The following MCOLN3 variants were observed in gnomAD, a reference collection of about 807,000 sequenced individuals.
MCOLN3 encodes the protein mucolipin-3.
A neutral mutation model predicts 69.4 loss-of-function variants in MCOLN3; 62 were observed. That is an observed-to-expected ratio of 0.89 (90% CI 0.73 to 1.10). The LOEUF is 1.10. Among genes scored for constraint, MCOLN3 ranks in the 50% least tolerant of loss-of-function variants. The probability of loss-of-function intolerance (pLI) is 0.00; values close to 1 mark genes in which losing one functional copy is unlikely to be tolerated. For missense variants in MCOLN3, 564 were observed against 656.4 expected, an observed-to-expected ratio of 0.86 and a Z score of 1.54; for synonymous variants, 183 against 217.0, an observed-to-expected ratio of 0.84 and a Z score of 1.38.
In MCOLN3 at chr1:85,034,229, G is replaced by A; in HGVS notation, c.419C>T (p.Ser140Phe). ...GTTCTCATAAGCATGATTCCCAACG[G>A]AGACATTGTATAGCTGCAAGTACTT... ...VNQYLQLYNV[S>F]VGNHAYENKG... Residue 140 changes from serine to phenylalanine, a missense_variant, in exon 4 of 13, where the codon TCC becomes TTC. Physicochemically the swap from Ser to Phe is radical, Grantham distance 155. Transcript: ENST00000370589. 1 of 1,614,132 alleles carries A rather than the reference G, an allele frequency of 6.2e-7. No individual in the cohort carries two copies. Among genetic ancestry groups the A allele is most frequent in the Non-Finnish European group, 8.5e-7 (1 of 1,180,008 alleles).
intron 9 of MCOLN3, chr1:85,023,446 A>C (rs1652053760): frequency 6.6e-6 from 1 of 152,228 alleles, no homozygotes; most frequent in South Asian, 2.1e-4. Context: ...GAAAGAGAGG[A>C]GTCTGTGATG....
In MCOLN3 at chr1:85,021,151, G is replaced by C. The variant is rs1269638795; in HGVS notation, c.1446C>G (p.Leu482=). 1 of 1,613,082 alleles carries C rather than the reference G, an allele frequency of 6.2e-7. No individual in the cohort carries two copies. The highest frequency in any genetic ancestry group is 1.3e-5 in the African/African-American group (1 of 75,000). The change falls in exon 12 of 13, where the codon CTC becomes CTG. Residue 482 remains leucine, a synonymous_variant. Transcript: ENST00000370589. ...YLVWLFSRIY[L]YSFISLFIYM... ...ATATAAAGAGGCTGATGAATGAGTA[G>C]AGGTAAATTCTACTAAACAGCCAGA...
At chr1:85,027,711 G>A (rs1652293489) in intron 7 of MCOLN3, among the ~76,000 whole-genome samples, 1 of 152,178 alleles carries the variant, frequency 6.6e-6, no homozygotes, top group African/African-American at 2.4e-5. Flanking sequence ...GCATAGTAAA[G>A]GAAGGCCTCA....
intron 11 of MCOLN3, 25 bp from the exon 12 acceptor site, chr1:85,021,301 C>A: frequency 6.3e-7 from 1 of 1,575,460 alleles, no homozygotes; most frequent in South Asian, 1.1e-5. Flanking sequence ...GAGAAAAGTT[C>A]ACTTTATTCC....
chr1:85,037,174 A>C (rs1354010179), intron 3 of MCOLN3, among the ~76,000 whole-genome samples: 4 of 152,252 alleles, frequency 2.6e-5, no homozygotes, highest in African/African-American at 9.6e-5. Context: ...AATCTATGGT[A>C]ACAGAAGCAA....
chr1:85,038,748 T>A (rs555412815), intron 3 of MCOLN3, among the ~76,000 whole-genome samples: 1 of 152,154 alleles, frequency 6.6e-6, no homozygotes, highest in Admixed American at 6.5e-5. Context: ...TCCAGCACTT[T>A]GGGAGGCCAA....
chr1:85,041,534 A>T (rs2102942089), intron 2 of MCOLN3, among the ~76,000 whole-genome samples: 1 of 152,344 alleles, frequency 6.6e-6, no homozygotes, highest in South Asian at 2.1e-4. Flanking sequence ...GTTTCACTGC[A>T]CTGTTGTCAT....
chr1:85,020,767 A>C (rs1375216503), intron 12 of MCOLN3, among the ~76,000 whole-genome samples: 1 of 152,196 alleles, frequency 6.6e-6, no homozygotes, highest in African/African-American at 2.4e-5. Context: ...AATATCTACT[A>C]ACCCTTATAA....
intron 7 of MCOLN3, among the ~76,000 whole-genome samples, chr1:85,028,143 C>T (rs1037787806): frequency 6.6e-6 from 1 of 152,132 alleles, no homozygotes; most frequent in African/African-American, 2.4e-5. Context: ...GATGACAAAA[C>T]AGGCTTATGT....
chr1:85,043,775 A>T (rs1461932181), intron 2 of MCOLN3, among the ~76,000 whole-genome samples: 2 of 152,068 alleles, frequency 1.3e-5, no homozygotes, highest in Non-Finnish European at 2.9e-5. Flanking sequence ...ATCCATTTTC[A>T]GGGTAATATA....
At chr1:85,019,737 A>C (rs1303837901) in intron 12 of MCOLN3, among the ~76,000 whole-genome samples, 1 of 152,256 alleles carries the variant, frequency 6.6e-6, no homozygotes, top group East Asian at 1.9e-4. Context: ...AGAACACCTC[A>C]GCACAGTCTT....
intron 9 of MCOLN3, chr1:85,023,074 C>CTTTTTTTTTT (rs71582943): frequency 1.0e-5 from 1 of 97,164 alleles, no homozygotes; most frequent in African/African-American, 3.8e-5. Context: ...GATTTTTATT[C>CTTTTTTTTTT]TTTTTTTTTT....
Position 85,026,049 on chromosome 1 carries a change from C to G in MCOLN3, c.985G>C (p.Val329Leu). ...AATTCCATTTGATCAGAAACAGAAA[C>G]TTCCTTCTTATAATGGAGGAGGAAA... ...NFFLLHYKKE[V>L]SVSDQMEFVN... The change falls in exon 9 of 13, where the codon GTT becomes CTT. Residue 329 changes from valine to leucine, a missense_variant. Val to Leu is a conservative substitution (Grantham distance 32). Transcript: ENST00000370589. 6.2e-7 allele frequency: 1 copy of G among 1,601,510 alleles called. No homozygotes were observed. Among genetic ancestry groups the G allele is most frequent in the Non-Finnish European group, 8.5e-7 (1 of 1,173,932 alleles).
rs749946702 is a variant in MCOLN3, at chr1:85,021,105, T to C, written c.1492A>G (p.Ile498Val). The change falls in exon 12 of 13, where the codon ATT becomes GTT. Residue 498 changes from isoleucine to valine, a missense_variant. By Grantham distance (29) the Ile-to-Val change is conservative. Coordinates refer to ENST00000370589, the MANE Select transcript of MCOLN3 (RefSeq NM_018298.11). ...LFIYMILSLFIALITDTYETI... is the reference protein window; with the variant it reads ...LFIYMILSLFVALITDTYETI... ...TCGTATGTATCAGTGATCAGTGCAA[T>C]GAAAAGACTTAAAATCATATATATA... The C allele has an allele frequency of 1.2e-6, 2 of 1,611,246 alleles. No individual in the cohort carries two copies. Among genetic ancestry groups the C allele is most frequent in the Non-Finnish European group, 1.7e-6 (2 of 1,179,098 alleles).
chr1:85,029,036 G>A (rs1240083189), intron 7 of MCOLN3, 70 bp downstream of exon 7: 3 of 955,102 alleles, frequency 3.1e-6, no homozygotes, highest in African/African-American at 3.3e-5. Context: ...ATATCCAGAG[G>A]GTGCTATTTT....
intron 4 of MCOLN3, among the ~76,000 whole-genome samples, chr1:85,033,257 T>C (rs1652626752): frequency 6.6e-6 from 1 of 152,090 alleles, no homozygotes; most frequent in Admixed American, 6.5e-5. Context: ...AAACTTTGAG[T>C]CCCTCCCCCT....
chr1:85,047,034 T>C (rs1217111654), intron 1 of MCOLN3, among the ~76,000 whole-genome samples: 2 of 152,194 alleles, frequency 1.3e-5, no homozygotes, highest in East Asian at 1.9e-4. Flanking sequence ...ACTTTATCTA[T>C]AGGACTTAAA....
At chr1:85,025,900 AT>A in intron 9 of MCOLN3, 38 bp downstream of exon 9, 1 of 1,549,152 alleles carries the variant, frequency 6.5e-7, no homozygotes, top group Non-Finnish European at 8.8e-7. Flanking sequence ...ATTAGTGCAA[AT>A]CTGACACTAA....
At chr1:85,029,242 A>G (rs952363129) in intron 6 of MCOLN3, 37 bp from the exon 7 acceptor site, 1 of 1,336,316 alleles carries the variant, frequency 7.5e-7, no homozygotes, top group Admixed American at 1.7e-5. Flanking sequence ...ACATACTTAT[A>G]GTTTTGGAGC....
Sources: gnomAD v4.1 joint callset for allele counts (sites outside exome capture counted in the v4.1 genomes callset) on GRCh38, gnomAD v4.1.1 for gene constraint, MANE v1.5 for transcripts, NCBI Gene and HGNC (gene_info 2026-07-23, HGNC 2026-07-21) for gene names.